Variants in THRB observed in about 807,000 individuals in gnomAD.
THRB encodes the protein nuclear receptor subfamily 1 group A member 2.
THRB carries 12 observed loss-of-function variants against 47.8 expected under a neutral mutation model. The ratio of observed to expected loss-of-function variants is 0.25; its 90% confidence interval spans 0.16 to 0.41. The LOEUF (loss-of-function observed/expected upper bound fraction) is 0.41, where lower values mean the gene tolerates loss of function less well. Among genes scored for constraint, THRB ranks in the 10% least tolerant of loss-of-function variants. The pLI, the probability that THRB is intolerant of heterozygous loss-of-function variation, is 1.00. For missense variants in THRB, 348 were observed against 589.2 expected (o/e 0.59, Z 4.24); for synonymous variants, 218 against 212.2 (o/e 1.03, Z -0.24).
intron 4 of THRB, among the ~76,000 whole-genome samples, chr3:24,209,731 G>C (rs945933872): frequency 6.6e-6 from 1 of 152,078 alleles, no homozygotes; most frequent in Admixed American, 6.6e-5. Context: ...TGTAAATGAC[G>C]TGTTAATGGG....
chr3:24,133,190 C>T, intron 9 of THRB, 126 bp downstream of exon 9: 1 of 1,076,224 alleles, frequency 9.3e-7, no homozygotes, highest in South Asian at 1.4e-5. Context: ...TCGTTTTGTA[C>T]TGACGTTGCT....
intron 3 of THRB, among the ~76,000 whole-genome samples, chr3:24,233,560 G>GAAGAAAGAAAGAGAAAGAAAGAGAAAGA (rs1553658177): frequency 3.9e-5 from 3 of 77,302 alleles, no homozygotes; most frequent in Admixed American, 1.2e-4. Context: ...AAAGAAAAAG[G>GAAGAAAGAAAGAGAAAGAAAGAGAAAGA]AAGAAAGAAA....
At chr3:24,357,967 G>C (rs1560012357) in intron 1 of THRB, among the ~76,000 whole-genome samples, 1 of 152,008 alleles carries the variant, frequency 6.6e-6, no homozygotes, top group African/African-American at 2.4e-5. Context: ...AATAGTACTT[G>C]ATTGTTTATT....
chr3:24,243,452 C>T (rs1249939291), intron 3 of THRB, among the ~76,000 whole-genome samples: 1 of 152,004 alleles, frequency 6.6e-6, no homozygotes, highest in Admixed American at 6.6e-5. Flanking sequence ...ATATGTGCCC[C>T]CTACAAGAGG....
At chr3:24,180,923 A>G (rs1196402042) in intron 5 of THRB, among the ~76,000 whole-genome samples, 3 of 152,188 alleles carry the variant, frequency 2.0e-5, no homozygotes, top group Non-Finnish European at 4.4e-5. Context: ...CTGGAGAGGT[A>G]AGGATGTAAG....
intron 1 of THRB, among the ~76,000 whole-genome samples, chr3:24,361,044 T>C (rs2064029617): frequency 6.6e-6 from 1 of 152,170 alleles, no homozygotes. Context: ...AGAGGAATGC[T>C]AAGTGTCCTG....
At chr3:24,383,640 A>C (rs531115149) in intron 1 of THRB, among the ~76,000 whole-genome samples, 1 of 152,306 alleles carries the variant, frequency 6.6e-6, no homozygotes, top group African/African-American at 2.4e-5. Flanking sequence ...AGGGACCTGC[A>C]TACTAACACA....
chr3:24,407,927 C>CCAT (rs943538341), intron 1 of THRB, among the ~76,000 whole-genome samples: 2 of 151,696 alleles, frequency 1.3e-5, no homozygotes, highest in African/African-American at 2.4e-5. Flanking sequence ...TAAAATATAT[C>CCAT]GAAAATATTT....
intron 3 of THRB, among the ~76,000 whole-genome samples, chr3:24,255,014 C>T (rs2051103649): frequency 6.6e-6 from 1 of 152,130 alleles, no homozygotes; most frequent in African/African-American, 2.4e-5. Flanking sequence ...TTATTGTATT[C>T]CCATAGAAAT....
intron 1 of THRB, among the ~76,000 whole-genome samples, chr3:24,416,353 C>G (rs151309215): frequency 6.6e-6 from 1 of 151,656 alleles, no homozygotes; most frequent in African/African-American, 2.4e-5. Flanking sequence ...GTAAATGGCT[C>G]GCTGATGGGA....
At chr3:24,272,118 G>A (rs1342767346) in intron 3 of THRB, among the ~76,000 whole-genome samples, 1 of 152,134 alleles carries the variant, frequency 6.6e-6, no homozygotes, top group Non-Finnish European at 1.5e-5. Flanking sequence ...ATAGCAGGAG[G>A]ATCGCTTGAG....
chr3:24,431,279 C>CT (rs2070391637), intron 1 of THRB, among the ~76,000 whole-genome samples: 1 of 151,680 alleles, frequency 6.6e-6, no homozygotes, highest in Non-Finnish European at 1.5e-5. Flanking sequence ...CACACACACA[C>CT]ACACACACAC....
At chr3:24,425,775 C>A (rs2069698347) in intron 1 of THRB, among the ~76,000 whole-genome samples, 1 of 151,946 alleles carries the variant, frequency 6.6e-6, no homozygotes, top group Non-Finnish European at 1.5e-5. Flanking sequence ...CAAGTCCTGG[C>A]TCTACAGGCT....
At chr3:24,344,465 T>A (rs1292951944) in intron 1 of THRB, among the ~76,000 whole-genome samples, 1 of 152,112 alleles carries the variant, frequency 6.6e-6, no homozygotes, top group Non-Finnish European at 1.5e-5. Flanking sequence ...TACATCAGCA[T>A]GAAGACTTTC....
chr3:24,420,204 T>C (rs911563101), intron 1 of THRB, among the ~76,000 whole-genome samples: 1 of 151,990 alleles, frequency 6.6e-6, no homozygotes, highest in Admixed American at 6.6e-5. Context: ...ACCAGCAATA[T>C]TTGTGAGGTC....
chr3:24,176,607 A>G (rs2041189465), intron 5 of THRB, among the ~76,000 whole-genome samples: 1 of 152,208 alleles, frequency 6.6e-6, no homozygotes, highest in South Asian at 2.1e-4. Flanking sequence ...TTATAAAAAT[A>G]ATAAAAGGTA....
chr3:24,222,903 T>C (rs1174255427), intron 4 of THRB, among the ~76,000 whole-genome samples: 1 of 152,222 alleles, frequency 6.6e-6, no homozygotes, highest in Admixed American at 6.5e-5. Flanking sequence ...CCAAGTTTTA[T>C]TTTTGGTCAC....
chr3:24,439,154 C>G (rs2071277826), intron 1 of THRB, among the ~76,000 whole-genome samples: 1 of 152,080 alleles, frequency 6.6e-6, no homozygotes, highest in African/African-American at 2.4e-5. Flanking sequence ...AGGCTGTAAC[C>G]TCCCACGCAT....
At chr3:24,154,964 G>A (rs1007808640) in intron 5 of THRB, among the ~76,000 whole-genome samples, 2 of 152,166 alleles carry the variant, frequency 1.3e-5, no homozygotes, top group African/African-American at 4.8e-5. Context: ...ACATGACTTG[G>A]GAGGGGTCAA....
Sources: gnomAD v4.1 joint callset for allele counts (sites outside exome capture counted in the v4.1 genomes callset) on GRCh38, gnomAD v4.1.1 for gene constraint, MANE v1.5 for transcripts, NCBI Gene and HGNC (gene_info 2026-07-23, HGNC 2026-07-21) for gene names.